The following LMBRD1 variants were observed in gnomAD, a reference collection of about 807,000 sequenced individuals.
LMBRD1 encodes the protein lysosomal cobalamin transport escort protein LMBD1.
LMBRD1 carries 64 observed loss-of-function variants against 74.8 expected under a neutral mutation model. The ratio of observed to expected loss-of-function variants is 0.86; its 90% CI spans 0.70 to 1.05. The LOEUF is 1.05. LMBRD1 is among the 50% of genes least tolerant of loss of function. The pLI is 0.00. For synonymous variants in LMBRD1, 204 were observed against 216.3 expected (o/e 0.94, Z 0.50); for missense variants, 652 against 645.9 (o/e 1.01, Z -0.10).
At chr6:69,732,192 T>C (rs149449226) in intron 7 of LMBRD1, among the ~76,000 whole-genome samples, 17 of 152,250 alleles carry the variant, frequency 1.1e-4, no homozygotes, top group African/African-American at 3.4e-4. Context: ...TGAATGTTTG[T>C]TTTCCCCTAA....
chr6:69,764,000 G>T (rs533931044), intron 3 of LMBRD1, among the ~76,000 whole-genome samples: 1 of 152,146 alleles, frequency 6.6e-6, no homozygotes, highest in Non-Finnish European at 1.5e-5. Context: ...ACACATATCT[G>T]ATTTAGAAAA....
intron 8 of LMBRD1, among the ~76,000 whole-genome samples, chr6:69,714,566 C>T (rs1241884511): frequency 6.6e-6 from 1 of 151,936 alleles, no homozygotes; most frequent in Non-Finnish European, 1.5e-5. Context: ...TCAGCAGGAA[C>T]AAGAAAAATA....
intron 7 of LMBRD1, among the ~76,000 whole-genome samples, chr6:69,735,964 C>T (rs1352644815): frequency 6.6e-6 from 1 of 152,212 alleles, no homozygotes; most frequent in Non-Finnish European, 1.5e-5. Flanking sequence ...GTGCCCACCT[C>T]AGGATCCTCA....
chr6:69,785,122 C>T (rs1765918343), intron 2 of LMBRD1, among the ~76,000 whole-genome samples: 1 of 152,188 alleles, frequency 6.6e-6, no homozygotes, highest in Non-Finnish European at 1.5e-5. Context: ...CCATTCACTT[C>T]ACCTCTCAAC....
At chr6:69,772,435 A>G (rs2149888619) in intron 3 of LMBRD1, among the ~76,000 whole-genome samples, 1 of 152,316 alleles carries the variant, frequency 6.6e-6, no homozygotes, top group East Asian at 1.9e-4. Flanking sequence ...TATGATATTA[A>G]TGTGACAAAT....
At chr6:69,694,752 A>C (rs1419742245) in intron 14 of LMBRD1, among the ~76,000 whole-genome samples, 1 of 152,124 alleles carries the variant, frequency 6.6e-6, no homozygotes, top group Non-Finnish European at 1.5e-5. Flanking sequence ...CAACCTAAGA[A>C]CTGATGGAGA....
intron 14 of LMBRD1, among the ~76,000 whole-genome samples, chr6:69,695,366 G>A (rs1277984216): frequency 5.3e-5 from 8 of 151,272 alleles, no homozygotes; most frequent in Non-Finnish European, 7.4e-5. Context: ...TTATCAGCTT[G>A]CCCTTAAATA....
chr6:69,735,199 A>G (rs1766948781), intron 7 of LMBRD1, among the ~76,000 whole-genome samples: 1 of 152,190 alleles, frequency 6.6e-6, no homozygotes, highest in African/African-American at 2.4e-5. Context: ...GTTGCAAGGC[A>G]GGAACCAACA....
intron 8 of LMBRD1, among the ~76,000 whole-genome samples, chr6:69,718,620 G>A (rs535500198): frequency 6.6e-6 from 1 of 152,224 alleles, no homozygotes; most frequent in South Asian, 2.1e-4. Context: ...TTCTTCATGT[G>A]GCGGCAGGAA....
intron 2 of LMBRD1, among the ~76,000 whole-genome samples, chr6:69,786,194 A>G (rs1400673945): frequency 1.3e-5 from 2 of 152,218 alleles, no homozygotes; most frequent in Non-Finnish European, 2.9e-5. Flanking sequence ...TCAGGCACAT[A>G]CTATATATTT....
intron 7 of LMBRD1, among the ~76,000 whole-genome samples, chr6:69,728,441 G>A (rs1468559021): frequency 1.3e-5 from 2 of 152,104 alleles, no homozygotes; most frequent in Non-Finnish European, 2.9e-5. Context: ...GCAATATTTT[G>A]CTAAGCCCAG....
At chr6:69,706,005 A>G in intron 9 of LMBRD1, 1 of 798,952 alleles carries the variant, frequency 1.3e-6, no homozygotes, top group Non-Finnish European at 2.2e-6. Flanking sequence ...CATCTTTTCC[A>G]TCAGCCCCTA....
intron 1 of LMBRD1, 99 bp downstream of exon 1, chr6:69,796,714 G>A (rs1766241513): frequency 1.8e-6 from 2 of 1,113,978 alleles, no homozygotes; most frequent in African/African-American, 1.6e-5. Context: ...GGGGCGGGGC[G>A]AAGAGGGTCT....
chr6:69,752,341 A>G lies in LMBRD1; in HGVS notation c.323T>C (p.Ile108Thr), dbSNP rs1472245736. Reference sequence around the variant, plus strand: ...GATCCAGAAGAACACACAGAACAATATAACAGAATATAAAGCTGTGGAAAT... The same window carrying G: ...GATCCAGAAGAACACACAGAACAATGTAACAGAATATAAAGCTGTGGAAAT... ...LYGYYTLYSV[I>T]LFCVFFWIPF... The change falls in exon 4 of 16, where the codon ATA becomes ACA. Residue 108 changes from isoleucine (I) to threonine (T), a missense_variant. Around this residue, in one of 3 missense-constraint regions of LMBRD1, gnomAD observed 598 missense variants for 581.8 expected, o/e 1.03. Coordinates refer to ENST00000649934, the MANE Select transcript of LMBRD1 (RefSeq NM_018368.4). 1 of 1,608,106 alleles carries G rather than the reference A, an allele frequency of 6.2e-7. No homozygotes were observed. The highest frequency in any genetic ancestry group is 1.7e-5 in the Admixed American group (1 of 59,940).
intron 3 of LMBRD1, among the ~76,000 whole-genome samples, chr6:69,774,796 T>TA (rs1169995440): frequency 6.6e-5 from 10 of 151,866 alleles, no homozygotes; most frequent in South Asian, 4.2e-4. Flanking sequence ...GGCAGTTTTA[T>TA]AAAAGAAAAG....
intron 1 of LMBRD1, among the ~76,000 whole-genome samples, chr6:69,791,051 C>A (rs1348204359): frequency 6.6e-6 from 1 of 152,158 alleles, no homozygotes; most frequent in African/African-American, 2.4e-5. Flanking sequence ...CAGCAAGGAG[C>A]TTTCCAGTGA....
chr6:69,698,718 G>C (rs1377686884), intron 13 of LMBRD1, among the ~76,000 whole-genome samples: 2 of 151,816 alleles, frequency 1.3e-5, no homozygotes, highest in Admixed American at 1.3e-4. Flanking sequence ...TTCTTTGGGA[G>C]CCATATTATT....
intron 3 of LMBRD1, among the ~76,000 whole-genome samples, chr6:69,777,925 G>A (rs1331792152): frequency 2.6e-5 from 4 of 152,212 alleles, no homozygotes; most frequent in Non-Finnish European, 5.9e-5. Context: ...TATTAGGGCA[G>A]TTAGATAGTA....
chr6:69,768,200 C>T (rs957108464), intron 3 of LMBRD1, among the ~76,000 whole-genome samples: 19 of 151,902 alleles, frequency 1.3e-4, no homozygotes, highest in African/African-American at 4.6e-4. Flanking sequence ...ATTGATATGG[C>T]TGTAATTACA....
Sources: gnomAD v4.1 joint callset for allele counts (sites outside exome capture counted in the v4.1 genomes callset) on GRCh38, gnomAD v4.1.1 for gene constraint, gnomAD v4.1.1 regional missense constraint, MANE v1.5 for transcripts, NCBI Gene and HGNC (gene_info 2026-07-23, HGNC 2026-07-21) for gene names.